The following SMOC2 variants were observed in gnomAD, a reference collection of about 807,000 sequenced individuals.
SMOC2 encodes the protein SPARC-related modular calcium-binding protein 2.
SMOC2 carries 39 observed loss-of-function variants against 61.4 expected under a neutral mutation model. The observed-to-expected ratio is 0.64, with a 90% CI of 0.49 to 0.83. The LOEUF (loss-of-function observed/expected upper bound fraction) is 0.83, where lower values mean the gene tolerates loss of function less well. Ranked by LOEUF, SMOC2 falls within the 40% of genes least tolerant of loss-of-function variation. The pLI is 0.00. For missense variants in SMOC2, 556 were observed against 592.9 expected, an observed-to-expected ratio of 0.94 and a Z score of 0.65; for synonymous variants, 247 against 239.9, an observed-to-expected ratio of 1.03 and a Z score of -0.27.
chr6:168,475,097 C>T lies in SMOC2; in HGVS notation c.84+33643C>T, dbSNP rs1331876339. Among the ~76,000 whole-genome samples the T allele has an allele frequency of 1.3e-5, 2 of 152,136 alleles. No individual in the cohort carries two copies. The highest frequency in any genetic ancestry group is 6.5e-5 in the Admixed American group (1 of 15,286). On this transcript the variant is annotated intron_variant, in intron 1 of 12. Transcript: ENST00000356284. This position sits in a 1 kb window ranked among gnomAD's most constrained non-coding sequence, Gnocchi z 4.6. ...ATGGTAGGTCAGCACTCATGCCATA[C>T]ACTCTTGTCAGCTGGTTTCTCATTT...
In SMOC2 at chr6:168,564,295, C is replaced by T. The variant is rs568004713; in HGVS notation, c.637+15092C>T. 1.1e-4 allele frequency among the ~76,000 whole-genome samples: 16 copies of T among 152,170 alleles called. No homozygotes were observed. In the South Asian group the frequency reaches 3.3e-3, roughly 32 times the overall value. On this transcript the variant is annotated intron_variant, in intron 7 of 12. Coordinates refer to ENST00000356284, the MANE Select transcript of SMOC2 (RefSeq NM_001166412.2). Reference sequence around the variant, plus strand: ...GGTGGGGTTCTTCAAAGAAGAGTGCCTATTCTTTGCACCCCATCTGCATGC... The same window carrying T: ...GGTGGGGTTCTTCAAAGAAGAGTGCTTATTCTTTGCACCCCATCTGCATGC...
chr6:168,536,545 A>T (rs1026781411), intron 4 of SMOC2, among the ~76,000 whole-genome samples: 1 of 152,052 alleles, frequency 6.6e-6, no homozygotes, highest in African/African-American at 2.4e-5. Context: ...AGGAGGTCCT[A>T]CCACTTCCAG....
chr6:168,520,074 G>A (rs1022276473), intron 2 of SMOC2, among the ~76,000 whole-genome samples: 2 of 152,186 alleles, frequency 1.3e-5, no homozygotes, highest in African/African-American at 2.4e-5. Context: ...GGACGGATGC[G>A]CTAGTCTGCT....
rs558778187 is a variant in SMOC2 at position 168,577,647 on chromosome 6, C to T, written c.638-21171C>T. Among the ~76,000 whole-genome samples, 251 of 152,288 alleles carry T rather than the reference C, an allele frequency of 1.6e-3. 1 individual carries two copies. The highest frequency in any genetic ancestry group is 5.5e-3 in the African/African-American group (227 of 41,564). ...ATCCTGGACTGGCTCTATCTGGTCC[C>T]GCAGCATCTCCCAGCAGTGATTCAT... On this transcript the variant is annotated intron_variant, in intron 7 of 12. Transcript: ENST00000356284.
chr6:168,662,560 C>T (rs1463709202), intron 11 of SMOC2, among the ~76,000 whole-genome samples: 3 of 152,252 alleles, frequency 2.0e-5, no homozygotes, highest in Non-Finnish European at 4.4e-5. Flanking sequence ...CCCACCCCGC[C>T]TCCAGCATAG....
intron 7 of SMOC2, among the ~76,000 whole-genome samples, chr6:168,552,090 A>G (rs1784141991): frequency 6.6e-6 from 1 of 152,208 alleles, no homozygotes; most frequent in African/African-American, 2.4e-5. Flanking sequence ...AAGCTACTGG[A>G]CTATGTTTGT....
chr6:168,641,538 A>G (rs749885937), intron 9 of SMOC2, among the ~76,000 whole-genome samples: 3 of 152,250 alleles, frequency 2.0e-5, no homozygotes, highest in African/African-American at 7.2e-5. Context: ...GGTCTTTAAG[A>G]TACATATTCA....
In SMOC2 at chr6:168,634,349, G is replaced by T. The variant is rs116744385; in HGVS notation, c.908-16332G>T. Among the ~76,000 whole-genome samples, 903 of 152,252 alleles carry T rather than the reference G, an allele frequency of 5.9e-3. 13 individuals carry two copies. Among genetic ancestry groups the T allele is most frequent in the African/African-American group, 0.02 (828 of 41,538 alleles). ...GTGTCTGTAACTTTGCATGGCACAG[G>T]ACTTATTGCATGCGATAATTGTGCA... On this transcript the variant is annotated intron_variant, in intron 9 of 12. Transcript: ENST00000356284.
At chr6:168,570,971 A>C (rs1254960484) in intron 7 of SMOC2, among the ~76,000 whole-genome samples, 1 of 152,180 alleles carries the variant, frequency 6.6e-6, no homozygotes, top group African/African-American at 2.4e-5. Context: ...GTTTTTAACA[A>C]CCAATGGAGC....
At chr6:168,589,586 G>A (rs1023603074) in intron 7 of SMOC2, among the ~76,000 whole-genome samples, 5 of 152,272 alleles carry the variant, frequency 3.3e-5, no homozygotes, top group Non-Finnish European at 7.3e-5. Context: ...TGTGGCATTA[G>A]TTTAGGGAGA....
chr6:168,531,210 G>C (rs143064987), intron 4 of SMOC2, among the ~76,000 whole-genome samples: 11 of 152,018 alleles, frequency 7.2e-5, no homozygotes, highest in South Asian at 2.1e-4. Context: ...AGAGCAGGGG[G>C]GTCAATTTTG....
At chr6:168,625,072 A>T (rs1238603464) in intron 9 of SMOC2, among the ~76,000 whole-genome samples, 2 of 152,206 alleles carry the variant, frequency 1.3e-5, no homozygotes, top group Admixed American at 6.5e-5. Flanking sequence ...TGCCCCCTGG[A>T]CACTGTGAAG....
At chr6:168,489,557 G>A (rs924470837) in intron 1 of SMOC2, among the ~76,000 whole-genome samples, 20 of 133,032 alleles carry the variant, frequency 1.5e-4, no homozygotes, top group Admixed American at 3.0e-4. Context: ...ATATCAAATC[G>A]TCTGGGTCCC....
At chr6:168,599,958 TCACA>T (rs985940924) in intron 8 of SMOC2, among the ~76,000 whole-genome samples, 14 of 145,182 alleles carry the variant, frequency 9.6e-5, no homozygotes, top group South Asian at 4.5e-4. Flanking sequence ...ACATCCACAC[TCACA>T]CACACATACT....
rs980983382 is a variant in SMOC2 at position 168,553,052 on chromosome 6, G to A, written c.637+3849G>A. 6.6e-6 allele frequency among the ~76,000 whole-genome samples: 1 copy of A among 152,166 alleles called. No homozygotes were observed. ...TTACTCTTTTTAAAACAAGCTGAAT[G>A]AAACAAACAAAATAACCAAATTAAT... On this transcript the variant is annotated intron_variant, in intron 7 of 12. Transcript: ENST00000356284. This position sits in a 1 kb window ranked among gnomAD's most constrained non-coding sequence, Gnocchi z 4.2.
chr6:168,594,132 G>T (rs374500762), intron 7 of SMOC2, among the ~76,000 whole-genome samples: 8 of 38,648 alleles, frequency 2.1e-4, no homozygotes, highest in African/African-American at 3.0e-4. Context: ...CTAGAGGATC[G>T]CGGAGCTCCT....
rs537461593 is a variant in SMOC2, at chr6:168,590,204, C to T, written c.638-8614C>T. ...GTGTGGCATTAGTTTAGGGGGCAGC[C>T]GGCCTGGTGTTGGTCAGGTGTGGCA... On this transcript the variant is annotated intron_variant, in intron 7 of 12. Coordinates refer to ENST00000356284, the MANE Select transcript of SMOC2 (RefSeq NM_001166412.2). 1.2e-3 allele frequency among the ~76,000 whole-genome samples: 141 copies of T among 113,964 alleles called. 3 individuals carry two copies. Among genetic ancestry groups the T allele is most frequent in the African/African-American group, 4.7e-3 (134 of 28,364 alleles). 74.8% of individuals were successfully genotyped at this position (113,964 alleles called of 152,430 possible).
intron 1 of SMOC2, among the ~76,000 whole-genome samples, chr6:168,487,699 C>T (rs1044912659): frequency 6.6e-6 from 1 of 152,078 alleles, no homozygotes; most frequent in South Asian, 2.1e-4. Flanking sequence ...GATGGGGCTT[C>T]ACCATGTTGG....
At chr6:168,665,400 C>A (rs895506044) in intron 12 of SMOC2, among the ~76,000 whole-genome samples, 1 of 152,260 alleles carries the variant, frequency 6.6e-6, no homozygotes, top group African/African-American at 2.4e-5. Context: ...TCCTACCGGC[C>A]GTGGCCATTG....
Sources: gnomAD v4.1 joint callset for allele counts (sites outside exome capture counted in the v4.1 genomes callset) on GRCh38, gnomAD v4.1.1 for gene constraint, Gnocchi (gnomAD v3.1) non-coding constraint, MANE v1.5 for transcripts, NCBI Gene and HGNC (gene_info 2026-07-23, HGNC 2026-07-21) for gene names.